The following SNAPC3 variants were observed in gnomAD, a reference collection of about 807,000 sequenced individuals.
SNAPC3 encodes the protein small nuclear RNA activating complex polypeptide 3, also known as snRNA-activating protein complex subunit 3.
In SNAPC3, 56 loss-of-function variants were observed where a neutral mutation model predicts 47.7. That is an observed-to-expected ratio of 1.18 (90% CI 0.95 to 1.47). SNAPC3 has a LOEUF of 1.47. Among genes scored for constraint, SNAPC3 ranks in the 40% most tolerant of loss-of-function variants. SNAPC3 has a pLI of 0.00. For synonymous variants in SNAPC3, 235 were observed against 189.9 expected (o/e 1.24, Z -1.95); for missense variants, 665 against 511.3 (o/e 1.30, Z -2.90).
intron 5 of SNAPC3, among the ~76,000 whole-genome samples, chr9:15,450,993 A>G (rs2034343396): frequency 6.6e-6 from 1 of 152,230 alleles, no homozygotes; most frequent in South Asian, 2.1e-4. Flanking sequence ...CTCGATGATC[A>G]TTGTTACTAC....
At chr9:15,463,031 A>G (rs557490069), downstream of SNAPC3, 107 of 152,210 alleles carry the variant, frequency 7.0e-4, no homozygotes, top group African/African-American at 2.2e-3. Flanking sequence ...GTACTGTATC[A>G]GCAAAATCTA....
intron 7 of SNAPC3, 31 bp downstream of exon 7, chr9:15,453,236 C>T: frequency 2.0e-6 from 3 of 1,526,342 alleles, no homozygotes; most frequent in Non-Finnish European, 2.7e-6. Context: ...CATTTTGTTA[C>T]CTTTTTTTTT....
At position 15,422,975 on chromosome 9, in the gene SNAPC3, T is replaced by C; in HGVS notation, c.96T>C (p.Tyr32=). Reference sequence around the variant, plus strand: ...GTGGCGGCTGCAACTTTCCAGAGTATGAGCTTCCCGAGCTAAATACGCGCG... The same window carrying C: ...GTGGCGGCTGCAACTTTCCAGAGTACGAGCTTCCCGAGCTAAATACGCGCG... The part of the protein sequence containing the change: ...SGSGGCNFPE[Y]ELPELNTRAF... The change falls in exon 1 of 9, where the codon TAT becomes TAC. Residue 32 remains tyrosine, a synonymous_variant. Coordinates refer to ENST00000380821, the MANE Select transcript of SNAPC3 (RefSeq NM_001039697.2). The C allele has an allele frequency of 3.2e-6, 5 of 1,542,574 alleles. No homozygotes were observed. Among genetic ancestry groups the C allele is most frequent in the Non-Finnish European group, 4.3e-6 (5 of 1,151,240 alleles).
intron 3 of SNAPC3, among the ~76,000 whole-genome samples, chr9:15,437,281 T>C (rs2032912828): frequency 6.6e-6 from 1 of 150,406 alleles, no homozygotes; most frequent in Non-Finnish European, 1.5e-5. Context: ...TCACCCAGGC[T>C]GAGTGCAGTG....
intron 2 of SNAPC3, among the ~76,000 whole-genome samples, chr9:15,428,229 T>G (rs2031700403): frequency 6.6e-6 from 1 of 151,580 alleles, no homozygotes; most frequent in African/African-American, 2.4e-5. Context: ...GTGCCCCAGA[T>G]GTTACAAAAA....
rs1222405206 is a variant in SNAPC3, at chr9:15,428,445, C to G, written c.392+4459C>G. 2.1e-4 allele frequency among the ~76,000 whole-genome samples: 30 copies of G among 145,744 alleles called. No individual in the cohort carries two copies. The East Asian group carries it at 5.7e-3, about 28-fold the overall frequency. On this transcript the variant is annotated intron_variant, in intron 2 of 8. Coordinates refer to ENST00000380821, the MANE Select transcript of SNAPC3 (RefSeq NM_001039697.2). Reference sequence around the variant, plus strand: ...AATGGCGTGAACCTGGGAGGCGGAGCTTGCAGTGAGCCGAGATCACGCCAC... The same window carrying G: ...AATGGCGTGAACCTGGGAGGCGGAGGTTGCAGTGAGCCGAGATCACGCCAC...
intron 1 of SNAPC3, 79 bp from the exon 2 acceptor site, chr9:15,423,830 A>G: frequency 5.1e-6 from 4 of 779,946 alleles, no homozygotes; most frequent in Non-Finnish European, 8.2e-6. Flanking sequence ...TCAGTAATGT[A>G]TTTAGGAAAA....
In SNAPC3 at chr9:15,448,397, A is replaced by G. The variant is rs114053779; in HGVS notation, c.732+1153A>G. 3.7e-3 allele frequency among the ~76,000 whole-genome samples: 556 copies of G among 152,254 alleles called. 1 individual carries two copies. Among genetic ancestry groups the G allele is most frequent in the African/African-American group, 0.013 (546 of 41,550 alleles). ...ACCATACTTTTTCATGTCTCTGAGT[A>G]TTTGAACATGGTAGGAAGCCCTTTC... On this transcript the variant is annotated intron_variant, in intron 5 of 8. Coordinates refer to ENST00000380821, the MANE Select transcript of SNAPC3 (RefSeq NM_001039697.2).
intron 2 of SNAPC3, among the ~76,000 whole-genome samples, chr9:15,429,453 A>G (rs2031863451): frequency 1.3e-5 from 2 of 152,242 alleles, no homozygotes; most frequent in Non-Finnish European, 2.9e-5. Context: ...GTATTGCAAC[A>G]AAGTACAGTA....
intron 6 of SNAPC3, among the ~76,000 whole-genome samples, chr9:15,452,724 T>G (rs2034484559): frequency 6.6e-6 from 1 of 152,250 alleles, no homozygotes; most frequent in Non-Finnish European, 1.5e-5. Flanking sequence ...TAAGAAGTAT[T>G]TGAAATATTA....
In SNAPC3 at chr9:15,454,027, G is replaced by C. The variant is rs555032349; in HGVS notation, c.980+822G>C. Among the ~76,000 whole-genome samples, 4 of 152,200 alleles carry C rather than the reference G, an allele frequency of 2.6e-5. No individual in the cohort carries two copies. In the South Asian group the frequency reaches 8.3e-4, roughly 32 times the overall value. ...ACTGAAGTGGGCAAATTGAGCCCAG[G>C]AGTTCGAGACCAGCCTGAACAATAT... On this transcript the variant is annotated intron_variant, in intron 7 of 8. Transcript: ENST00000380821.
intron 3 of SNAPC3, among the ~76,000 whole-genome samples, chr9:15,435,906 C>G (rs2032755008): frequency 7.4e-6 from 1 of 134,440 alleles, no homozygotes; most frequent in African/African-American, 2.8e-5. Flanking sequence ...TACAATGGAG[C>G]AATCTTAGCT....
intron 4 of SNAPC3, among the ~76,000 whole-genome samples, chr9:15,445,370 T>C (rs571013315): frequency 5.3e-5 from 8 of 152,190 alleles, no homozygotes; most frequent in Non-Finnish European, 1.0e-4. Context: ...TAGCCTATGT[T>C]CACTAATTTA....
chr9:15,444,378 G>A (rs540792805), intron 3 of SNAPC3, among the ~76,000 whole-genome samples: 1 of 152,332 alleles, frequency 6.6e-6, no homozygotes, highest in South Asian at 2.1e-4. Context: ...GATGCATTGT[G>A]TACACATTCC....
At chr9:15,433,844 G>A in intron 3 of SNAPC3, 1 of 386,890 alleles carries the variant, frequency 2.6e-6, no homozygotes, top group Non-Finnish European at 4.6e-6. Flanking sequence ...TCAGATCTCT[G>A]CCTTTATTCT....
intron 2 of SNAPC3, among the ~76,000 whole-genome samples, chr9:15,426,516 G>T (rs2031423327): frequency 6.6e-6 from 1 of 152,062 alleles, no homozygotes; most frequent in South Asian, 2.1e-4. Context: ...TGCATAGTAG[G>T]GAGCCAACAA....
intron 3 of SNAPC3, among the ~76,000 whole-genome samples, chr9:15,440,245 T>G (rs1378189249): frequency 6.6e-6 from 1 of 152,244 alleles, no homozygotes; most frequent in Non-Finnish European, 1.5e-5. Flanking sequence ...GCTTCTATAT[T>G]TACCTGTGTT....
intron 3 of SNAPC3, 88 bp downstream of exon 3, chr9:15,433,724 T>A: frequency 1.2e-6 from 1 of 801,874 alleles, no homozygotes; most frequent in Non-Finnish European, 2.1e-6. Context: ...GTATGGTAGC[T>A]TTATACTGGA....
intron 3 of SNAPC3, among the ~76,000 whole-genome samples, chr9:15,441,802 C>T (rs1433967530): frequency 6.6e-6 from 1 of 152,236 alleles, no homozygotes; most frequent in African/African-American, 2.4e-5. Context: ...TCTTTCTACA[C>T]AGACACAGCA....
Sources: allele counts gnomAD v4.1 joint callset (sites outside exome capture counted in the v4.1 genomes callset), GRCh38; gene constraint gnomAD v4.1.1; transcripts MANE v1.5; gene names NCBI Gene and HGNC (gene_info 2026-07-23, HGNC 2026-07-21).